Variants in CNTN1 observed in about 807,000 individuals in gnomAD.
CNTN1 encodes the protein contactin 1.
Under a neutral mutation model 126.4 loss-of-function variants are expected in CNTN1, and 38 were observed. The ratio of observed to expected loss-of-function variants is 0.30; its 90% CI spans 0.23 to 0.39. The LOEUF (loss-of-function observed/expected upper bound fraction) is 0.39. Among genes scored for constraint, CNTN1 ranks in the 10% least tolerant of loss-of-function variants. CNTN1 has a pLI of 1.00. For synonymous variants in CNTN1, 413 were observed against 422.6 expected (o/e 0.98, Z 0.28); for missense variants, 1,009 against 1,248.4 (o/e 0.81, Z 2.89).
At chr12:40,782,289 CA>C (rs1053222749) in intron 1 of CNTN1, among the ~76,000 whole-genome samples, 1 of 151,562 alleles carries the variant, frequency 6.6e-6, no homozygotes, top group African/African-American at 2.4e-5. Context: ...GAACCATTAA[CA>C]GGCTTTGAAA....
At chr12:40,995,607 G>T (rs1428450623) in intron 17 of CNTN1, among the ~76,000 whole-genome samples, 2 of 151,876 alleles carry the variant, frequency 1.3e-5, no homozygotes, top group African/African-American at 2.4e-5. Flanking sequence ...TTTTGTTAAG[G>T]ACTTAGTTCC....
intron 1 of CNTN1, among the ~76,000 whole-genome samples, chr12:40,881,468 T>C (rs1049923059): frequency 2.0e-5 from 3 of 151,886 alleles, no homozygotes; most frequent in African/African-American, 4.8e-5. Flanking sequence ...CAGAGGTTCC[T>C]AAACTTTTGC....
At chr12:40,815,973 A>G (rs1347574793) in intron 1 of CNTN1, among the ~76,000 whole-genome samples, 1 of 152,126 alleles carries the variant, frequency 6.6e-6, no homozygotes, top group Admixed American at 6.5e-5. Flanking sequence ...TGTATGTTGA[A>G]CCAGCCTTGC....
At chr12:41,042,415 T>C (rs61332371) in intron 23 of CNTN1, among the ~76,000 whole-genome samples, 1,982 of 152,234 alleles carry the variant, frequency 0.013, 13 homozygotes, top group Middle Eastern at 0.024. Flanking sequence ...TGGAGAGTTC[T>C]GTAGATGTCT....
rs1566145306 is a variant in CNTN1, at chr12:41,014,306, T to C, written c.2184+8T>C. On this transcript the variant is annotated splice_region_variant and intron_variant, in intron 18 of 23. Transcript: ENST00000551295. ...CTGACCATAACATGGGCGGTAAGTATTGATGAGTTGCACATATTATAGGTT... is the reference window on the plus strand; with the variant it reads ...CTGACCATAACATGGGCGGTAAGTACTGATGAGTTGCACATATTATAGGTT... 6.2e-7 allele frequency: 1 copy of C among 1,613,612 alleles called. No individual in the cohort carries two copies. Among genetic ancestry groups the C allele is most frequent in the Middle Eastern group, 1.7e-4 (1 of 6,058 alleles).
At chr12:41,042,929 G>C (rs1288891381) in intron 23 of CNTN1, among the ~76,000 whole-genome samples, 1 of 152,116 alleles carries the variant, frequency 6.6e-6, no homozygotes, top group East Asian at 1.9e-4. Flanking sequence ...AATGGTGCTG[G>C]GAAAACTGGC....
intron 6 of CNTN1, among the ~76,000 whole-genome samples, chr12:40,927,522 G>A (rs1945737638): frequency 6.6e-6 from 1 of 152,020 alleles, no homozygotes; most frequent in African/African-American, 2.4e-5. Context: ...CACCCTATTA[G>A]GCCTTGGATC....
At chr12:40,899,047 A>G (rs1474589572) in intron 1 of CNTN1, among the ~76,000 whole-genome samples, 5 of 152,224 alleles carry the variant, frequency 3.3e-5, no homozygotes, top group Non-Finnish European at 7.3e-5. Flanking sequence ...ATTACAGCAC[A>G]GGAAGTCTTT....
intron 6 of CNTN1, among the ~76,000 whole-genome samples, chr12:40,929,490 T>G (rs1945808219): frequency 6.6e-6 from 1 of 152,054 alleles, no homozygotes; most frequent in African/African-American, 2.4e-5. Context: ...AGTCATGACA[T>G]TCTAAGCAAG....
At chr12:40,808,223 T>C (rs1246055750) in intron 1 of CNTN1, among the ~76,000 whole-genome samples, 1 of 152,178 alleles carries the variant, frequency 6.6e-6, no homozygotes, top group Non-Finnish European at 1.5e-5. Flanking sequence ...AAAAACACTA[T>C]GTTTTGGGGT....
chr12:40,940,497 AT>A (rs1261340635), intron 12 of CNTN1, among the ~76,000 whole-genome samples: 1 of 152,114 alleles, frequency 6.6e-6, no homozygotes, highest in Non-Finnish European at 1.5e-5. Context: ...AAAATACATT[AT>A]TTTCTTCACA....
intron 1 of CNTN1, among the ~76,000 whole-genome samples, chr12:40,777,655 T>C (rs1418764226): frequency 6.6e-6 from 1 of 151,876 alleles, no homozygotes; most frequent in East Asian, 1.9e-4. Flanking sequence ...GGAATGAATA[T>C]ACAAATCTGC....
intron 15 of CNTN1, among the ~76,000 whole-genome samples, chr12:40,961,666 A>G (rs1482552193): frequency 6.6e-6 from 1 of 150,670 alleles, no homozygotes; most frequent in Non-Finnish European, 1.5e-5. Flanking sequence ...TTTCGTAGCC[A>G]GCAATGTCCC....
intron 1 of CNTN1, among the ~76,000 whole-genome samples, chr12:40,903,561 C>T (rs1944693112): frequency 1.3e-5 from 2 of 152,070 alleles, no homozygotes; most frequent in African/African-American, 2.4e-5. Flanking sequence ...CTCTACTGTG[C>T]TGCTGAAGGA....
At chr12:40,819,215 A>G (rs1194536509) in intron 1 of CNTN1, among the ~76,000 whole-genome samples, 1 of 152,144 alleles carries the variant, frequency 6.6e-6, no homozygotes, top group Non-Finnish European at 1.5e-5. Context: ...CCTTGGTGGA[A>G]AGGGTGTGTT....
At chr12:40,760,972 A>T (rs756905421) in intron 1 of CNTN1, among the ~76,000 whole-genome samples, 7 of 152,136 alleles carry the variant, frequency 4.6e-5, no homozygotes. Flanking sequence ...TTGGAAAAAA[A>T]TTACTCTGTC....
At position 41,025,257 on chromosome 12, in the gene CNTN1, T is replaced by C; in HGVS notation, c.2631T>C (p.Tyr877=). The stretch of plus-strand genomic sequence containing the variant: ...AGAACCTTCTGCCAGACACCCAGTA[T>C]TTTATAGAAGTCGGGGCCTGCAATA... The part of the protein sequence containing the change: ...RLENLLPDTQ[Y]FIEVGACNSA... The change falls in exon 21 of 24, where the codon TAT becomes TAC. Residue 877 remains tyrosine (Y), a synonymous_variant. Transcript: ENST00000551295. 6.2e-7 allele frequency: 1 copy of C among 1,613,954 alleles called. No homozygotes were observed. The highest frequency in any genetic ancestry group is 8.5e-7 in the Non-Finnish European group (1 of 1,179,856).
chr12:40,997,301 C>T lies in CNTN1; in HGVS notation c.2113+4032C>T, dbSNP rs568194032. On this transcript the variant is annotated intron_variant, in intron 17 of 23. Transcript: ENST00000551295. ...AATGGTACATTCAGGTTTGTTTTAA[C>T]AGCTTTCTTTATTAGCCAGATCAAG... Among the ~76,000 whole-genome samples the T allele has an allele frequency of 3.3e-5, 5 of 152,276 alleles. 1 individual carries two copies. The highest frequency in any genetic ancestry group is 7.2e-5 in the African/African-American group (3 of 41,548).
chr12:40,786,634 C>T (rs1309973777), intron 1 of CNTN1, among the ~76,000 whole-genome samples: 3 of 151,972 alleles, frequency 2.0e-5, no homozygotes, highest in Non-Finnish European at 4.4e-5. Context: ...GAAACTGAAG[C>T]AGGATAAATT....
Sources: gnomAD v4.1 joint callset for allele counts (sites outside exome capture counted in the v4.1 genomes callset) on GRCh38, gnomAD v4.1.1 for gene constraint, MANE v1.5 for transcripts, NCBI Gene and HGNC (gene_info 2026-07-23, HGNC 2026-07-21) for gene names.